CSMD1: variants seen among roughly 807,000 people sequenced by gnomAD.
CSMD1 encodes CUB and Sushi multiple domains 1, also known as CUB and sushi domain-containing protein 1.
A neutral mutation model predicts 417.5 loss-of-function variants in CSMD1; 213 were observed. That is an observed-to-expected ratio of 0.51 (90% CI 0.46 to 0.57). CSMD1 has a LOEUF of 0.57. Among genes scored for constraint, CSMD1 ranks in the 20% least tolerant of loss-of-function variants. CSMD1 has a pLI of 0.00. For synonymous variants in CSMD1, 2,862 were observed against 1,736.8 expected (o/e 1.65, Z -16.11); for missense variants, 6,923 against 4,529.7 (o/e 1.53, Z -15.17).
rs2117220841 is a variant in CSMD1 at position 4,788,309 on chromosome 8, T to A, written c.86-150751A>T. Reference sequence around the variant, plus strand: ...TTGTGGCAGTGGCAGGCAGAAGTAATGGTTTGGGACCAGTGATGTCTGGGA... The same window carrying A: ...TTGTGGCAGTGGCAGGCAGAAGTAAAGGTTTGGGACCAGTGATGTCTGGGA... On this transcript the variant is annotated intron_variant, in intron 1 of 69. Transcript: ENST00000635120. 18 of 1,579,754 alleles carry A rather than the reference T, an allele frequency of 1.1e-5. 1 individual carries two copies. The highest frequency in any genetic ancestry group is 1.8e-4 in the Middle Eastern group (1 of 5,660).
chr8:3,476,396 G>A (rs1363509991), intron 11 of CSMD1, among the ~76,000 whole-genome samples: 1 of 152,086 alleles, frequency 6.6e-6, no homozygotes, highest in Non-Finnish European at 1.5e-5. Context: ...TGGCAATTAT[G>A]AATAGAGTTA....
rs77639831 is a variant in CSMD1 at position 4,365,080 on chromosome 8, G to T, written c.415+54873C>A. On this transcript the variant is annotated intron_variant, in intron 3 of 69. Coordinates refer to ENST00000635120, the MANE Select transcript of CSMD1 (RefSeq NM_033225.6). The stretch of plus-strand genomic sequence containing the variant: ...TTTTCCATATTCATCAGTTGTAATG[G>T]CAAGTTTACAAGAAAAAGTTTAAAT... Among the ~76,000 whole-genome samples the T allele has an allele frequency of 8.4e-3, 1,281 of 152,136 alleles. 18 individuals are homozygous for T. Among genetic ancestry groups the T allele is most frequent in the African/African-American group, 0.029 (1,185 of 41,530 alleles).
intron 1 of CSMD1, among the ~76,000 whole-genome samples, chr8:4,670,976 C>G (rs955551754): frequency 6.6e-6 from 1 of 152,208 alleles, no homozygotes; most frequent in Non-Finnish European, 1.5e-5. Flanking sequence ...TATCTCCTGA[C>G]TACAGCTTTA....
chr8:3,925,058 T>A (rs967260297), intron 5 of CSMD1, among the ~76,000 whole-genome samples: 2 of 152,222 alleles, frequency 1.3e-5, no homozygotes, highest in Non-Finnish European at 2.9e-5. Context: ...GGTCTCTGCA[T>A]CTGTTCTATG....
At chr8:4,154,922 A>C (rs1363470029) in intron 3 of CSMD1, among the ~76,000 whole-genome samples, 1 of 152,206 alleles carries the variant, frequency 6.6e-6, no homozygotes, top group African/African-American at 2.4e-5. Context: ...CTAAATTCCA[A>C]GTCTATTGAC....
chr8:3,095,039 G>C (rs939489660), intron 47 of CSMD1, among the ~76,000 whole-genome samples: 8 of 152,082 alleles, frequency 5.3e-5, no homozygotes, highest in Admixed American at 5.2e-4. Context: ...GCTATGATCT[G>C]TCCAAATTTG....
intron 5 of CSMD1, among the ~76,000 whole-genome samples, chr8:3,964,940 G>T (rs1049641958): frequency 2.6e-5 from 4 of 152,048 alleles, no homozygotes; most frequent in Non-Finnish European, 5.9e-5. Flanking sequence ...TTCATTTTGG[G>T]GGTTTATCCT....
intron 12 of CSMD1, among the ~76,000 whole-genome samples, chr8:3,414,212 CA>C (rs1161625328): frequency 0.018 from 894 of 49,642 alleles, 3 homozygotes; most frequent in African/African-American, 0.06. Flanking sequence ...GCACCTAAAG[CA>C]AAAAAAAAAA....
At chr8:4,847,093 C>A (rs1028680367) in intron 1 of CSMD1, among the ~76,000 whole-genome samples, 3 of 151,944 alleles carry the variant, frequency 2.0e-5, no homozygotes, top group Non-Finnish European at 2.9e-5. Flanking sequence ...ACGCTCTGCT[C>A]GTGTATCAAG....
intron 4 of CSMD1, among the ~76,000 whole-genome samples, chr8:3,999,809 G>A (rs796709404): frequency 1.3e-5 from 2 of 152,148 alleles, no homozygotes; most frequent in African/African-American, 4.8e-5. Flanking sequence ...TGAGGGATGG[G>A]TGTTCTCATG....
At chr8:4,621,538 A>C (rs779824638) in intron 2 of CSMD1, among the ~76,000 whole-genome samples, 1 of 152,162 alleles carries the variant, frequency 6.6e-6, no homozygotes, top group African/African-American at 2.4e-5. Context: ...TAAATCTAGA[A>C]TATACATTGA....
chr8:3,732,395 G>A (rs960320592), intron 6 of CSMD1, among the ~76,000 whole-genome samples: 9 of 152,092 alleles, frequency 5.9e-5, no homozygotes, highest in African/African-American at 1.7e-4. Flanking sequence ...TTTTCTAGCT[G>A]TACCCTTCAA....
intron 1 of CSMD1, among the ~76,000 whole-genome samples, chr8:4,839,896 A>G (rs1800735417): frequency 6.6e-6 from 1 of 152,216 alleles, no homozygotes; most frequent in Admixed American, 6.5e-5. Context: ...CTGAGGAACA[A>G]CTAACCTCCT....
intron 10 of CSMD1, among the ~76,000 whole-genome samples, chr8:3,540,899 G>A (rs1285433312): frequency 6.6e-6 from 1 of 152,170 alleles, no homozygotes. Flanking sequence ...GCGAGGCTGT[G>A]GAGAAACAGA....
chr8:4,295,329 T>C (rs918882979), intron 3 of CSMD1, among the ~76,000 whole-genome samples: 2 of 124,500 alleles, frequency 1.6e-5, no homozygotes, highest in Non-Finnish European at 3.7e-5. Context: ...TATGCACATA[T>C]AATCTTAAGA....
At chr8:4,772,275 A>AGT (rs202237513) in intron 1 of CSMD1, among the ~76,000 whole-genome samples, 1 of 151,916 alleles carries the variant, frequency 6.6e-6, no homozygotes, top group Non-Finnish European at 1.5e-5. Context: ...GCAACAGTGA[A>AGT]CCAGTCCTTT....
rs540884710 is a variant in CSMD1, at chr8:4,463,026, A to G, written c.303-42961T>C. On this transcript the variant is annotated intron_variant, in intron 2 of 69. Transcript: ENST00000635120. ...AGAAAAAGATCTATAGAATAGGGAAAGTTTGCAAATTATATAAAATATAAA... is the reference window on the plus strand; with the variant it reads ...AGAAAAAGATCTATAGAATAGGGAAGGTTTGCAAATTATATAAAATATAAA... Among the ~76,000 whole-genome samples the G allele has an allele frequency of 4.6e-5, 7 of 152,356 alleles. No individual in the cohort carries two copies. The South Asian group carries it at 1.4e-3, about 32-fold the overall frequency.
At chr8:3,753,044 C>T (rs909122168) in intron 6 of CSMD1, among the ~76,000 whole-genome samples, 24 of 152,190 alleles carry the variant, frequency 1.6e-4, no homozygotes, top group African/African-American at 5.8e-4. Flanking sequence ...TCTCCGTGAC[C>T]TGCTAGTTCC....
At chr8:3,862,105 T>C (rs1804753784) in intron 5 of CSMD1, among the ~76,000 whole-genome samples, 2 of 152,172 alleles carry the variant, frequency 1.3e-5, no homozygotes, top group Non-Finnish European at 2.9e-5. Context: ...TACACTATCA[T>C]TTTTTTCAAC....
Sources: gnomAD v4.1 joint callset for allele counts (sites outside exome capture counted in the v4.1 genomes callset) on GRCh38, gnomAD v4.1.1 for gene constraint, MANE v1.5 for transcripts, NCBI Gene and HGNC (gene_info 2026-07-23, HGNC 2026-07-21) for gene names.